Variants in TMPO observed in about 807,000 individuals in gnomAD.
TMPO encodes the protein thymopoietin.
A neutral mutation model predicts 45.4 loss-of-function variants in TMPO; 22 were observed. That is an observed-to-expected ratio of 0.48 (90% CI 0.35 to 0.69). The LOEUF is 0.69. TMPO is among the 30% of genes least tolerant of loss of function. The pLI, the probability that TMPO is intolerant of heterozygous loss-of-function variation, is 0.01. For missense variants in TMPO, 512 were observed against 548.8 expected (o/e 0.93, Z 0.67); for synonymous variants, 241 against 204.1 (o/e 1.18, Z -1.54).
intron 4 of TMPO, 102 bp downstream of exon 4, chr12:98,537,674 G>A (rs1377775688): frequency 1.5e-5 from 13 of 895,384 alleles, no homozygotes; most frequent in South Asian, 1.1e-4. Flanking sequence ...ATTCCAGCAC[G>A]CTCAATAAAC....
chr12:98,541,519 C>T (rs1321271781), intron 4 of TMPO, among the ~76,000 whole-genome samples: 1 of 152,102 alleles, frequency 6.6e-6, no homozygotes, highest in Non-Finnish European at 1.5e-5. Context: ...AACAATAAGA[C>T]TGTTAAATGC....
At chr12:98,546,955 C>G (rs1878260952) in intron 8 of TMPO, among the ~76,000 whole-genome samples, 1 of 151,784 alleles carries the variant, frequency 6.6e-6, no homozygotes, top group Non-Finnish European at 1.5e-5. Context: ...GAAACACAGC[C>G]AAAACTGTTT....
At chr12:98,527,781 T>C (rs1876888863) in intron 1 of TMPO, 105 bp from the exon 2 acceptor site, 1 of 1,358,918 alleles carries the variant, frequency 7.4e-7, no homozygotes, top group Non-Finnish European at 1.0e-6. Flanking sequence ...AATATTACTA[T>C]AAACCAATTT....
rs189533759 is a variant in TMPO, at chr12:98,549,457, C to G, written c.*1599C>G. ...GATTACAGGTGTGATCCACTGCACC[C>G]GGCCGGCATTATGATTTTGTGTACT... is the stretch of plus-strand genomic sequence containing the variant. On this transcript the variant is annotated 3_prime_UTR_variant, in exon 9 of 9. Coordinates refer to ENST00000556029, the MANE Select transcript of TMPO (RefSeq NM_001032283.3). 1 of 107,334 alleles carries G rather than the reference C, an allele frequency of 9.3e-6. No individual in the cohort carries two copies. Among genetic ancestry groups the G allele is most frequent in the Non-Finnish European group, 2.0e-5 (1 of 49,194 alleles). 6.6% of individuals were successfully genotyped at this position (107,334 alleles called of 1,614,324 possible).
At chr12:98,527,617 T>C (rs1166459585) in intron 1 of TMPO, 3 of 299,874 alleles carry the variant, frequency 1.0e-5, no homozygotes, top group Non-Finnish European at 1.2e-5. Context: ...ATGCCATTAC[T>C]ATCTCTTTTA....
intron 2 of TMPO, among the ~76,000 whole-genome samples, chr12:98,531,231 C>A (rs1004757439): frequency 7.0e-6 from 1 of 143,254 alleles, no homozygotes; most frequent in East Asian, 2.0e-4. Context: ...TCAGCCACCA[C>A]GTCCTTTTTT....
chr12:98,527,796 G>T lies in TMPO; in HGVS notation c.280-90G>T, dbSNP rs11109517. 411,031 of 1,482,198 alleles carry T rather than the reference G, an allele frequency of 0.28. 62,422 individuals are homozygous for T. Among genetic ancestry groups the T allele is most frequent in the Non-Finnish European group, 0.31 (334,619 of 1,068,678 alleles). 91.8% of individuals were successfully genotyped at this position (1,482,198 alleles called of 1,614,324 possible). On this transcript the variant is annotated intron_variant, in intron 1 of 8. Coordinates refer to ENST00000556029, the MANE Select transcript of TMPO (RefSeq NM_001032283.3). ...AATATTACTATAAACCAATTTGGTAGTGAGTTTGCATGTTTATGTTATACA... is the reference window on the plus strand; with the variant it reads ...AATATTACTATAAACCAATTTGGTATTGAGTTTGCATGTTTATGTTATACA...
intron 4 of TMPO, among the ~76,000 whole-genome samples, chr12:98,539,543 G>A (rs1431838333): frequency 1.4e-5 from 2 of 147,640 alleles, no homozygotes; most frequent in African/African-American, 5.1e-5. Context: ...CACAATCTCG[G>A]CTCACTTGCA....
intron 3 of TMPO, chr12:98,532,995 T>C: frequency 2.5e-6 from 4 of 1,614,108 alleles, no homozygotes; most frequent in Non-Finnish European, 3.4e-6. Context: ...AAGTACATAC[T>C]TCTAAGGGAG....
intron 6 of TMPO, 81 bp from the exon 7 acceptor site, chr12:98,544,870 G>A (rs911694636): frequency 8.6e-7 from 1 of 1,168,750 alleles, no homozygotes; most frequent in African/African-American, 1.5e-5. Flanking sequence ...ATATTACAGA[G>A]ATAAAATATC....
At chr12:98,533,219 A>G in intron 3 of TMPO, 1 of 1,614,070 alleles carries the variant, frequency 6.2e-7, no homozygotes, top group South Asian at 1.1e-5. Context: ...ACCACTGGTT[A>G]CTATAAAGAC....
chr12:98,544,225 A>C lies in TMPO; in HGVS notation c.664-5A>C. On this transcript the variant is annotated splice_polypyrimidine_tract_variant and splice_region_variant and intron_variant, in intron 4 of 8. Transcript: ENST00000556029. The stretch of plus-strand genomic sequence containing the variant: ...TGACTTTTTAATGTGTTGATGCTTG[A>C]ATAGAGCTATTCTCAAGCTGGAATA... The C allele has an allele frequency of 6.2e-7, 1 of 1,613,626 alleles. No homozygotes were observed. The highest frequency in any genetic ancestry group is 8.5e-7 in the Non-Finnish European group (1 of 1,179,746).
intron 1 of TMPO, among the ~76,000 whole-genome samples, chr12:98,519,953 T>A (rs1345595762): frequency 1.3e-5 from 2 of 152,088 alleles, no homozygotes; most frequent in Non-Finnish European, 2.9e-5. Flanking sequence ...TTTTTCTTTC[T>A]TTCTTTTTTT....
chr12:98,516,113 C>A lies in TMPO; in HGVS notation c.246C>A (p.Ala82=). ...EPTPVLGSGA[A]AAGRSRAAVG... ...CCCCGGTCCTCGGCTCTGGGGCCGC[C>A]GCCGCGGGCCGGAGCCGAGCAGCCG... Residue 82 remains alanine (A), a synonymous_variant, in exon 1 of 9, where the codon GCC becomes GCA. Coordinates refer to ENST00000556029, the MANE Select transcript of TMPO (RefSeq NM_001032283.3). The A allele has an allele frequency of 6.6e-7, 1 of 1,525,496 alleles. No individual in the cohort carries two copies. The highest frequency in any genetic ancestry group is 2.1e-5 in the Admixed American group (1 of 47,380). 94.5% of individuals were successfully genotyped at this position (1,525,496 alleles called of 1,614,324 possible).
In TMPO at chr12:98,516,371, G is replaced by A. The variant is rs995409685; in HGVS notation, c.279+225G>A. ...TTCGCGTTCTTTGACGTGTGGGTCT[G>A]GGAGGTGTGGAGTTGCGTTGGCGGC... On this transcript the variant is annotated intron_variant, in intron 1 of 8. Transcript: ENST00000556029. The A allele has an allele frequency of 1.5e-5, 18 of 1,206,898 alleles. No individual in the cohort carries two copies. The African/African-American group carries it at 2.8e-4, about 19-fold the overall frequency. The allele number at this position is 1,206,898 out of a possible 1,614,324, so 74.8% of individuals were successfully genotyped here.
rs747786976 is a variant in TMPO, at chr12:98,533,230, A to G, written c.565+1392A>G. ...AACCACCACTGGTTACTATAAAGAC[A>G]TAGTAGAAAATATTTGCGGTAGAGA... On this transcript the variant is annotated intron_variant, in intron 3 of 8. Coordinates refer to ENST00000556029, the MANE Select transcript of TMPO (RefSeq NM_001032283.3). 16 of 1,613,894 alleles carry G rather than the reference A, an allele frequency of 9.9e-6. No individual in the cohort carries two copies. Among genetic ancestry groups the G allele is most frequent in the African/African-American group, 2.7e-5 (2 of 74,938 alleles).
intron 1 of TMPO, among the ~76,000 whole-genome samples, chr12:98,519,034 A>C (rs567775915): frequency 6.6e-6 from 1 of 151,820 alleles, no homozygotes; most frequent in Non-Finnish European, 1.5e-5. Context: ...GGCGCCCGCC[A>C]CCACCCCCCA....
intron 8 of TMPO, among the ~76,000 whole-genome samples, 191 bp from the exon 9 acceptor site, chr12:98,547,382 C>T (rs540091219): frequency 6.6e-6 from 1 of 152,224 alleles, no homozygotes; most frequent in Admixed American, 6.5e-5. Flanking sequence ...GCCCATCTAA[C>T]TTTTAAAATA....
At chr12:98,534,385 CT>C in intron 3 of TMPO, 1 of 1,604,310 alleles carries the variant, frequency 6.2e-7, no homozygotes, top group South Asian at 1.1e-5. Flanking sequence ...CTTTCAGGTA[CT>C]TTATGCCAAC....
Sources: allele counts gnomAD v4.1 joint callset (sites outside exome capture counted in the v4.1 genomes callset), GRCh38; gene constraint gnomAD v4.1.1; transcripts MANE v1.5; gene names NCBI Gene and HGNC (gene_info 2026-07-23, HGNC 2026-07-21).